The following VILL variants were observed in gnomAD, a reference collection of about 807,000 sequenced individuals.
The protein encoded by VILL is villin like.
Under a neutral mutation model 106.3 loss-of-function variants are expected in VILL, and 102 were observed. The ratio of observed to expected loss-of-function variants is 0.96; its 90% CI spans 0.82 to 1.13. The LOEUF (loss-of-function observed/expected upper bound fraction) is 1.13. Among genes scored for constraint, VILL ranks in the 50% most tolerant of loss-of-function variants. VILL has a pLI of 0.00. For missense variants in VILL, 1,076 were observed against 1,116.6 expected, an observed-to-expected ratio of 0.96 and a Z score of 0.52; for synonymous variants, 431 against 440.3, an observed-to-expected ratio of 0.98 and a Z score of 0.27.
Position 38,007,114 on chromosome 3 carries a change from G to T in VILL, c.*59G>T. The T allele has an allele frequency of 7.0e-7, 1 of 1,423,120 alleles. No individual in the cohort carries two copies. Among genetic ancestry groups the T allele is most frequent in the Non-Finnish European group, 9.9e-7 (1 of 1,014,728 alleles). 88.2% of individuals were successfully genotyped at this position (1,423,120 alleles called of 1,614,324 possible). ...ACCCCAACATACCTACAATGCTGGG[G>T]AGGCCCTGCTTCCACTCCCCTCAGA... On this transcript the variant is annotated 3_prime_UTR_variant, in exon 20 of 20. Coordinates refer to ENST00000383759, the MANE Select transcript of VILL (RefSeq NM_015873.4).
In VILL at chr3:37,999,038, C is replaced by T. The variant is rs755922307; in HGVS notation, c.1069C>T (p.Leu357Phe). 35 of 1,501,094 alleles carry T rather than the reference C, an allele frequency of 2.3e-5. No individual in the cohort carries two copies. The highest frequency in any genetic ancestry group is 6.3e-6 in the Non-Finnish European group (7 of 1,112,104). 93.0% of individuals were successfully genotyped at this position (1,501,094 alleles called of 1,614,324 possible). Residue 357 changes from leucine to phenylalanine, a missense_variant, in exon 10 of 20, where the codon CTC (leucine) becomes TTC (phenylalanine). Physicochemically the swap from Leu to Phe is conservative, Grantham distance 22. Transcript: ENST00000383759. Reference protein sequence around the residue: ...WSEKRRRNQKLGGRDKSIHVK... With the variant: ...WSEKRRRNQKFGGRDKSIHVK... Reference sequence around the variant, plus strand: ...TGAGAAGCGGCGCAGGAACCAGAAGCTCGGCGGGAGGGGTGAGCGGGCGGG... The same window carrying T: ...TGAGAAGCGGCGCAGGAACCAGAAGTTCGGCGGGAGGGGTGAGCGGGCGGG...
intron 1 of VILL, among the ~76,000 whole-genome samples, chr3:37,991,354 G>A (rs568911302): frequency 6.6e-6 from 1 of 150,420 alleles, no homozygotes; most frequent in African/African-American, 2.4e-5. Flanking sequence ...AGAGAGGGGA[G>A]CCTGGGGAAG....
chr3:38,005,154 C>T (rs1699891983), intron 16 of VILL, among the ~76,000 whole-genome samples: 1 of 152,028 alleles, frequency 6.6e-6, no homozygotes, highest in Non-Finnish European at 1.5e-5. Flanking sequence ...GGGGCCGTGT[C>T]TACAGCACTG....
At chr3:38,002,670 A>G in intron 14 of VILL, 95 bp downstream of exon 14, 1 of 1,381,904 alleles carries the variant, frequency 7.2e-7, no homozygotes, top group Non-Finnish European at 9.9e-7. Context: ...CTTTGAGTCC[A>G]GCCTCAGATA....
Position 37,997,777 on chromosome 3 carries a change from C to T in VILL, c.764+92C>T. On this transcript the variant is annotated intron_variant, in intron 7 of 19. Transcript: ENST00000383759. This position sits in a 1 kb window ranked among gnomAD's most constrained non-coding sequence, Gnocchi z 4.7. Reference sequence around the variant, plus strand: ...AATAACACGGCATCTCTAGAAGGCCCTCCAGCAAAGGCTGCTGGGTTTCTG... The same window carrying T: ...AATAACACGGCATCTCTAGAAGGCCTTCCAGCAAAGGCTGCTGGGTTTCTG... 2 of 1,399,770 alleles carry T rather than the reference C, an allele frequency of 1.4e-6. No individual in the cohort carries two copies. The highest frequency in any genetic ancestry group is 1.9e-6 in the Non-Finnish European group (2 of 1,038,312). The allele number at this position is 1,399,770 out of a possible 1,614,324, so 86.7% of individuals were successfully genotyped here.
chr3:38,006,374 C>T (rs1699923890), intron 18 of VILL, 75 bp from the exon 19 acceptor site: 2 of 1,593,346 alleles, frequency 1.3e-6, no homozygotes, highest in African/African-American at 1.3e-5. Flanking sequence ...GGTAAGAGGC[C>T]TGTGGGTTCA....
chr3:37,997,101 A>G lies in VILL; in HGVS notation c.475A>G (p.Asn159Asp). 2.5e-6 allele frequency: 4 copies of G among 1,614,000 alleles called. No individual in the cohort carries two copies. Among genetic ancestry groups the G allele is most frequent in the Non-Finnish European group, 3.4e-6 (4 of 1,179,992 alleles). ...TEVELSWNSF[N>D]KGDIFLLDLG... ...GGTGGAGCTCTCCTGGAACAGCTTT[A>G]ATAAGGGTGACATCTTCCTGCTGGA... is the stretch of plus-strand genomic sequence containing the variant. Residue 159 changes from asparagine to aspartate, a missense_variant, in exon 6 of 20, where the codon AAT becomes GAT. Transcript: ENST00000383759. This position sits in a 1 kb window ranked among gnomAD's most constrained non-coding sequence, Gnocchi z 4.7.
At position 37,997,368 on chromosome 3, in the gene VILL, A is replaced by T; in HGVS notation, c.562-115A>T. 2 of 1,232,108 alleles carry T rather than the reference A, an allele frequency of 1.6e-6. No homozygotes were observed. The highest frequency in any genetic ancestry group is 2.7e-5 in the South Asian group (2 of 74,858). 76.3% of individuals were successfully genotyped at this position (1,232,108 alleles called of 1,614,324 possible). ...TGGTGTCCCCCTGGATGCCAGGATG[A>T]GGGGACATCAGCCCTTCTCCCCATC... is the stretch of plus-strand genomic sequence containing the variant. On this transcript the variant is annotated intron_variant, in intron 6 of 19. Coordinates refer to ENST00000383759, the MANE Select transcript of VILL (RefSeq NM_015873.4). The surrounding 1 kb of genome is among the most constrained non-coding windows in gnomAD (Gnocchi z 4.7).
Position 37,990,998 on chromosome 3 carries a change from G to C in VILL, c.-87+169G>C, listed in dbSNP as rs538680823. The C allele has an allele frequency of 6.6e-6, 1 of 152,462 alleles. No individual in the cohort carries two copies. The highest frequency in any genetic ancestry group is 2.4e-5 in the African/African-American group (1 of 41,566). The allele number at this position is 152,462 out of a possible 1,614,324, so 9.4% of individuals were successfully genotyped here. On this transcript the variant is annotated intron_variant, in intron 1 of 19. Transcript: ENST00000383759. This position sits in a 1 kb window ranked among gnomAD's most constrained non-coding sequence, Gnocchi z 5.1. ...AGCCCAGCAGGTGAAAACACTGATGGGGCAGGGCAGCTGTGGCCGGCAGCC... is the reference window on the plus strand; with the variant it reads ...AGCCCAGCAGGTGAAAACACTGATGCGGCAGGGCAGCTGTGGCCGGCAGCC...
chr3:37,996,604 C>T (rs1406585618), intron 5 of VILL, among the ~76,000 whole-genome samples: 1 of 152,176 alleles, frequency 6.6e-6, no homozygotes, highest in African/African-American at 2.4e-5. Flanking sequence ...CTCTGCATGT[C>T]ACCCACAGAC....
intron 2 of VILL, 45 bp downstream of exon 2, chr3:37,993,777 G>A: frequency 6.2e-7 from 1 of 1,608,546 alleles, no homozygotes. Flanking sequence ...ATGGAAGAGC[G>A]TGGGGTTTTC....
intron 16 of VILL, among the ~76,000 whole-genome samples, chr3:38,005,332 C>G (rs902422796): frequency 3.3e-5 from 5 of 152,204 alleles, no homozygotes; most frequent in African/African-American, 1.2e-4. Context: ...GTTCCCTGAA[C>G]ATGCCGGGCA....
At chr3:38,002,286 T>A in intron 13 of VILL, 110 bp from the exon 14 acceptor site, 1 of 1,060,548 alleles carries the variant, frequency 9.4e-7, no homozygotes, top group Non-Finnish European at 1.3e-6. Context: ...AGTGAGGGCC[T>A]TGATGGCTTC....
chr3:38,004,448 C>G, intron 16 of VILL, 49 bp downstream of exon 16: 1 of 1,580,936 alleles, frequency 6.3e-7, no homozygotes. Context: ...GGGTGTGTTT[C>G]TGTTTGTGTA....
Position 38,002,484 on chromosome 3 carries a change from C to T in VILL, c.1568C>T (p.Thr523Ile), listed in dbSNP as rs375688436. 7.4e-6 allele frequency: 12 copies of T among 1,614,046 alleles called. No homozygotes were observed. The highest frequency in any genetic ancestry group is 9.3e-6 in the Non-Finnish European group (11 of 1,180,014). The stretch of plus-strand genomic sequence containing the variant: ...GGCACTGACAGCCACAACACCAGGA[C>T]CATGGAGGTGCCAGCCCGTGCCTCA... ...VQGTDSHNTRTMEVPARASSL... is the reference protein window; with the variant it reads ...VQGTDSHNTRIMEVPARASSL... Residue 523 changes from threonine to isoleucine, a missense_variant, in exon 14 of 20, where the codon ACC becomes ATC. Physicochemically the swap from Thr to Ile is moderately conservative, Grantham distance 89 (BLOSUM62 -1). Transcript: ENST00000383759.
chr3:38,003,376 T>C, intron 15 of VILL, 63 bp downstream of exon 15: 5 of 1,489,874 alleles, frequency 3.4e-6, no homozygotes, highest in African/African-American at 1.4e-5. Context: ...GAGAGGAGGG[T>C]GGGTGACTGG....
intron 4 of VILL, among the ~76,000 whole-genome samples, chr3:37,995,100 T>C (rs1699677081): frequency 6.6e-6 from 1 of 152,258 alleles, no homozygotes; most frequent in Non-Finnish European, 1.5e-5. Flanking sequence ...TTTCCCTTGG[T>C]ATATACCTAG....
intron 13 of VILL, 178 bp downstream of exon 13, chr3:38,002,038 T>C: frequency 9.1e-6 from 9 of 992,374 alleles, no homozygotes; most frequent in Non-Finnish European, 1.3e-5. Flanking sequence ...TGAGTTTCCC[T>C]CCCCAGTCCC....
intron 13 of VILL, 71 bp downstream of exon 13, chr3:38,001,931 T>C (rs1300777006): frequency 6.2e-7 from 1 of 1,604,196 alleles, no homozygotes; most frequent in East Asian, 2.2e-5. Flanking sequence ...CGCACACACT[T>C]CTAAGCACCT....
Sources: gnomAD v4.1 joint callset for allele counts (sites outside exome capture counted in the v4.1 genomes callset) on GRCh38, gnomAD v4.1.1 for gene constraint, Gnocchi (gnomAD v3.1) non-coding constraint, MANE v1.5 for transcripts, NCBI Gene and HGNC (gene_info 2026-07-23, HGNC 2026-07-21) for gene names.